The following RNF4 variants were observed in gnomAD, a reference collection of about 807,000 sequenced individuals.
The protein encoded by RNF4 is ring finger protein 4, also known as E3 ubiquitin-protein ligase RNF4.
Under a neutral mutation model 24.3 loss-of-function variants are expected in RNF4, and 7 were observed. The ratio of observed to expected loss-of-function variants is 0.29; its 90% CI spans 0.16 to 0.54. RNF4 has a LOEUF of 0.54. RNF4 is among the 20% of genes least tolerant of loss of function. RNF4 has a pLI of 0.95. For synonymous variants in RNF4, 83 were observed against 84.3 expected, an observed-to-expected ratio of 0.98 and a Z score of 0.09; for missense variants, 209 against 248.5, an observed-to-expected ratio of 0.84 and a Z score of 1.07.
intron 1 of RNF4, among the ~76,000 whole-genome samples, chr4:2,488,818 T>C (rs931180464): frequency 3.3e-5 from 5 of 151,950 alleles, no homozygotes; most frequent in Admixed American, 1.3e-4. Flanking sequence ...CATTTTTTAT[T>C]TATTTATTTA....
chr4:2,470,916 C>G (rs1291433548), intron 1 of RNF4: 1 of 148,842 alleles, frequency 6.7e-6, no homozygotes, highest in East Asian at 2.0e-4. Context: ...CATGTGCTCA[C>G]TTTGTGTCTC....
chr4:2,503,245 T>C (rs1735971386), intron 4 of RNF4, among the ~76,000 whole-genome samples: 1 of 152,156 alleles, frequency 6.6e-6, no homozygotes, highest in South Asian at 2.1e-4. Flanking sequence ...CCTACCTTTC[T>C]TCTGTTTCCC....
intron 4 of RNF4, among the ~76,000 whole-genome samples, chr4:2,506,525 C>T (rs1488564053): frequency 2.0e-5 from 3 of 151,350 alleles, no homozygotes; most frequent in African/African-American, 7.3e-5. Flanking sequence ...TTTTTTTTTC[C>T]AAGTTGTGTG....
chr4:2,512,704 C>A lies in RNF4; in HGVS notation c.374+107C>A. 7.7e-7 allele frequency: 1 copy of A among 1,303,154 alleles called. No individual in the cohort carries two copies. The highest frequency in any genetic ancestry group is 2.4e-5 in the East Asian group (1 of 40,844). 80.7% of individuals were successfully genotyped at this position (1,303,154 alleles called of 1,614,324 possible). On this transcript the variant is annotated intron_variant, in intron 6 of 7. Coordinates refer to ENST00000314289, the MANE Select transcript of RNF4 (RefSeq NM_002938.5). This position sits in a 1 kb window ranked among gnomAD's most constrained non-coding sequence, Gnocchi z 4.1. ...AGCCCTTGGCCCTGGAAGGGCTTGC[C>A]CAAGCCTCTACCCAGCATCTGGATA...
chr4:2,482,976 G>A (rs1346732760), intron 1 of RNF4, among the ~76,000 whole-genome samples: 3 of 152,104 alleles, frequency 2.0e-5, no homozygotes, highest in Admixed American at 6.6e-5. Context: ...GCTGAGAGCC[G>A]GAAACATTGG....
In RNF4 at chr4:2,484,658, T is replaced by C. The variant is rs1489240052; in HGVS notation, c.-157-5679T>C. ...ATATCTGAAGTGCTTATAATAGCTT[T>C]ATTGGGGGGGACCTCTAAGAAAAAC... On this transcript the variant is annotated intron_variant, in intron 1 of 7. Transcript: ENST00000314289. Among the ~76,000 whole-genome samples, 7 of 146,812 alleles carry C rather than the reference T, an allele frequency of 4.8e-5. 2 individuals are homozygous for C. The highest frequency in any genetic ancestry group is 4.7e-4 in the Admixed American group (7 of 14,782).
intron 1 of RNF4, among the ~76,000 whole-genome samples, chr4:2,487,042 G>A (rs1735432109): frequency 6.6e-6 from 1 of 152,190 alleles, no homozygotes; most frequent in South Asian, 2.1e-4. Context: ...CACCTCTGTT[G>A]AAACCAACTA....
chr4:2,474,360 T>G (rs1246080207), intron 1 of RNF4, among the ~76,000 whole-genome samples: 1 of 147,852 alleles, frequency 6.8e-6, no homozygotes, highest in African/African-American at 2.5e-5. Flanking sequence ...CCAGCCTGGT[T>G]GACAGAACGA....
At chr4:2,498,245 G>A (rs765728770) in intron 3 of RNF4, among the ~76,000 whole-genome samples, 12 of 152,128 alleles carry the variant, frequency 7.9e-5, no homozygotes, top group Non-Finnish European at 1.5e-4. Flanking sequence ...GTGCAATCGC[G>A]TGATCTCGGC....
Position 2,512,355 on chromosome 4 carries a change from G to A in RNF4, c.215-83G>A. On this transcript the variant is annotated intron_variant, in intron 5 of 7. Coordinates refer to ENST00000314289, the MANE Select transcript of RNF4 (RefSeq NM_002938.5). The surrounding 1 kb of genome is among the most constrained non-coding windows in gnomAD (Gnocchi z 4.1). Reference sequence around the variant, plus strand: ...GGGTCCCAGGCAGGGAAGGAAGAGGGTCTTAAGAGGCGTCAGGATGGGAGT... The same window carrying A: ...GGGTCCCAGGCAGGGAAGGAAGAGGATCTTAAGAGGCGTCAGGATGGGAGT... The A allele has an allele frequency of 1.4e-6, 2 of 1,478,904 alleles. No individual in the cohort carries two copies. Among genetic ancestry groups the A allele is most frequent in the Non-Finnish European group, 1.8e-6 (2 of 1,082,474 alleles). 91.6% of individuals were successfully genotyped at this position (1,478,904 alleles called of 1,614,324 possible). A position where few individuals can be genotyped will look rare whatever the true frequency, so the allele number is the denominator to read the frequency against.
chr4:2,504,907 T>C (rs1736030770), intron 4 of RNF4, among the ~76,000 whole-genome samples: 1 of 151,968 alleles, frequency 6.6e-6, no homozygotes, highest in Non-Finnish European at 1.5e-5. Flanking sequence ...TAATTTTTTA[T>C]ATTTTTAGTA....
At chr4:2,490,863 C>T (rs748357907) in intron 2 of RNF4, 13 of 175,682 alleles carry the variant, frequency 7.4e-5, no homozygotes, top group South Asian at 1.5e-4. Flanking sequence ...CACTTGGAGG[C>T]GTGAAGGTAA....
In RNF4 at chr4:2,512,157, C is replaced by T. The variant is rs1410357093; in HGVS notation, c.214+192C>T. 3.1e-6 allele frequency: 2 copies of T among 648,908 alleles called. No individual in the cohort carries two copies. The highest frequency in any genetic ancestry group is 3.7e-5 in the African/African-American group (2 of 54,600). 40.2% of individuals were successfully genotyped at this position (648,908 alleles called of 1,614,324 possible). A position where few individuals can be genotyped will look rare whatever the true frequency, so the allele number is the denominator to read the frequency against. ...TGTGCCTGCTGAAGAAACTTCACCA[C>T]TATCATTGAGCACTGAGCTATAGTC... On this transcript the variant is annotated intron_variant, in intron 5 of 7. Coordinates refer to ENST00000314289, the MANE Select transcript of RNF4 (RefSeq NM_002938.5). This position sits in a 1 kb window ranked among gnomAD's most constrained non-coding sequence, Gnocchi z 4.1.
Position 2,512,292 on chromosome 4 carries a change from C to G in RNF4, c.215-146C>G. 1.0e-6 allele frequency: 1 copy of G among 989,434 alleles called. No individual in the cohort carries two copies. Among genetic ancestry groups the G allele is most frequent in the Non-Finnish European group, 1.5e-6 (1 of 650,478 alleles). 61.3% of individuals were successfully genotyped at this position (989,434 alleles called of 1,614,324 possible). A position where few individuals can be genotyped will look rare whatever the true frequency, so the allele number is the denominator to read the frequency against. On this transcript the variant is annotated intron_variant, in intron 5 of 7. Coordinates refer to ENST00000314289, the MANE Select transcript of RNF4 (RefSeq NM_002938.5). This position sits in a 1 kb window ranked among gnomAD's most constrained non-coding sequence, Gnocchi z 4.1. ...GGCCTCCAGAGCTGGGCAGAACCTT[C>G]TGGGTTATAGCTGAGCATGGCAGCA... is the stretch of plus-strand genomic sequence containing the variant.
intron 1 of RNF4, among the ~76,000 whole-genome samples, chr4:2,488,237 T>C (rs1735472418): frequency 6.6e-6 from 1 of 152,120 alleles, no homozygotes; most frequent in African/African-American, 2.4e-5. Flanking sequence ...CCGAGGCAAG[T>C]GGATCACCTG....
intron 1 of RNF4, among the ~76,000 whole-genome samples, chr4:2,478,813 C>G (rs1735161508): frequency 6.6e-6 from 1 of 152,222 alleles, no homozygotes; most frequent in South Asian, 2.1e-4. Context: ...GTTGGAGCCC[C>G]CAAGCAGAGT....
chr4:2,484,717 A>G (rs980621787), intron 1 of RNF4, among the ~76,000 whole-genome samples: 2 of 152,194 alleles, frequency 1.3e-5, no homozygotes, highest in Non-Finnish European at 2.9e-5. Flanking sequence ...TAATAAATCT[A>G]TAAGAATGAA....
At position 2,512,412 on chromosome 4, in the gene RNF4, C is replaced by A; in HGVS notation, c.215-26C>A. 1 of 1,590,454 alleles carries A rather than the reference C, an allele frequency of 6.3e-7. No individual in the cohort carries two copies. ...GATGGTAAGAGTAGAGAGCCTCCAA[C>A]CTGAAAATGTGACCTCTTACCTTAG... On this transcript the variant is annotated intron_variant, in intron 5 of 7. Coordinates refer to ENST00000314289, the MANE Select transcript of RNF4 (RefSeq NM_002938.5). The surrounding 1 kb of genome is among the most constrained non-coding windows in gnomAD (Gnocchi z 4.1).
chr4:2,486,780 G>GT (rs918000156), intron 1 of RNF4, among the ~76,000 whole-genome samples: 21 of 152,290 alleles, frequency 1.4e-4, no homozygotes, highest in African/African-American at 4.6e-4. Flanking sequence ...GACATCAGGT[G>GT]TTTCCCTTTG....
Sources: gnomAD v4.1 joint callset for allele counts (sites outside exome capture counted in the v4.1 genomes callset) on GRCh38, gnomAD v4.1.1 for gene constraint, Gnocchi (gnomAD v3.1) non-coding constraint, MANE v1.5 for transcripts, NCBI Gene and HGNC (gene_info 2026-07-23, HGNC 2026-07-21) for gene names.